LHFPL2: variants seen among roughly 807,000 people sequenced by gnomAD.
LHFPL2 encodes LHFPL tetraspan subfamily member 2.
Under a neutral mutation model 17.5 loss-of-function variants are expected in LHFPL2, and 7 were observed. The ratio of observed to expected loss-of-function variants is 0.40; its 90% confidence interval spans 0.23 to 0.75. The LOEUF (loss-of-function observed/expected upper bound fraction) is 0.75, where lower values mean the gene tolerates loss of function less well. LHFPL2 is among the 30% of genes least tolerant of loss of function. LHFPL2 has a pLI of 0.37. For synonymous variants in LHFPL2, 134 were observed against 116.2 expected, an observed-to-expected ratio of 1.15 and a Z score of -0.99; for missense variants, 241 against 294.8, an observed-to-expected ratio of 0.82 and a Z score of 1.34.
intron 3 of LHFPL2, among the ~76,000 whole-genome samples, chr5:78,544,289 T>C (rs149663255): frequency 6.6e-6 from 1 of 152,328 alleles, no homozygotes; most frequent in East Asian, 1.9e-4. Flanking sequence ...TGCACAGGCA[T>C]CTGGCACACA....
At chr5:78,535,645 G>C (rs754098918) in intron 3 of LHFPL2, among the ~76,000 whole-genome samples, 1 of 152,178 alleles carries the variant, frequency 6.6e-6, no homozygotes, top group Non-Finnish European at 1.5e-5. Flanking sequence ...CAATGCTGAT[G>C]CTGCAGTAGG....
At chr5:78,612,946 TC>T (rs1744467715) in intron 2 of LHFPL2, among the ~76,000 whole-genome samples, 2 of 152,148 alleles carry the variant, frequency 1.3e-5, no homozygotes, top group Non-Finnish European at 1.5e-5. Flanking sequence ...CAGCCTCACC[TC>T]CCCACCCAGC....
chr5:78,509,667 A>G lies in LHFPL2; in HGVS notation c.430+117T>C, dbSNP rs1176841807. 3 of 1,035,950 alleles carry G rather than the reference A, an allele frequency of 2.9e-6. 1 individual carries two copies. Among genetic ancestry groups the G allele is most frequent in the South Asian group, 3.1e-5 (2 of 65,518 alleles). The allele number at this position is 1,035,950 out of a possible 1,614,324, so 64.2% of individuals were successfully genotyped here. ...CGGAAGGGGCAAAGGAAACCTGAAT[A>G]GACAGAAAGTGGTCTTCTCCAAAAC... On this transcript the variant is annotated intron_variant, in intron 4 of 4. Coordinates refer to ENST00000380345, the MANE Select transcript of LHFPL2 (RefSeq NM_005779.3).
chr5:78,647,151 C>G (rs913902756), intron 1 of LHFPL2, among the ~76,000 whole-genome samples: 3 of 152,158 alleles, frequency 2.0e-5, no homozygotes, highest in African/African-American at 7.2e-5. Context: ...CACAGTATGA[C>G]AGCAAAAAGA....
At position 78,562,244 on chromosome 5, in the gene LHFPL2, A is replaced by C. The variant is rs190975016; in HGVS notation, c.-186+2569T>G. On this transcript the variant is annotated intron_variant, in intron 3 of 4. Coordinates refer to ENST00000380345, the MANE Select transcript of LHFPL2 (RefSeq NM_005779.3). The stretch of plus-strand genomic sequence containing the variant: ...GTAGAGATGAGAATTCCACATGGTA[A>C]TGAAAAGTGCCCTAGGTCACAGAGC... Among the ~76,000 whole-genome samples the C allele has an allele frequency of 2.4e-3, 360 of 152,316 alleles. 1 individual carries two copies. The highest frequency in any genetic ancestry group is 8.4e-3 in the African/African-American group (349 of 41,578).
In LHFPL2 at chr5:78,489,129, A is replaced by T. The variant is rs1367843302; in HGVS notation, c.455T>A (p.Ile152Lys). 1 of 1,614,098 alleles carries T rather than the reference A, an allele frequency of 6.2e-7. No homozygotes were observed. The highest frequency in any genetic ancestry group is 8.5e-7 in the Non-Finnish European group (1 of 1,180,040). Residue 152 changes from isoleucine (I) to lysine (K), a missense_variant, in exon 5 of 5, where the codon ATA becomes AAA. Coordinates refer to ENST00000380345, the MANE Select transcript of LHFPL2 (RefSeq NM_005779.3). ...GCAACCCCAGCCAGCAGGGTAGAGT[A>T]TCAAACCGAGGATAAGGAATAGACC... ...IAGLFLILGL[I>K]LYPAGWGCQK...
intron 4 of LHFPL2, among the ~76,000 whole-genome samples, chr5:78,489,508 A>G (rs1285761317): frequency 1.3e-5 from 2 of 152,136 alleles, no homozygotes; most frequent in African/African-American, 2.4e-5. Flanking sequence ...GGCTCAAGCT[A>G]TCCTCCTGTC....
intron 3 of LHFPL2, 111 bp downstream of exon 3, chr5:78,564,702 A>G (rs565623525): frequency 1.7e-4 from 26 of 152,346 alleles, no homozygotes; most frequent in African/African-American, 6.3e-4. Flanking sequence ...TGCTGACCAC[A>G]CAGGGTTCAA....
chr5:78,560,930 TATTA>T (rs1385919071), intron 3 of LHFPL2, among the ~76,000 whole-genome samples: 5 of 152,344 alleles, frequency 3.3e-5, no homozygotes, highest in East Asian at 1.9e-4. Context: ...AAGCCATGTG[TATTA>T]ATTAAAATTT....
chr5:78,556,447 G>C (rs955228450), intron 3 of LHFPL2, among the ~76,000 whole-genome samples: 2 of 152,128 alleles, frequency 1.3e-5, no homozygotes, highest in African/African-American at 4.8e-5. Flanking sequence ...TCACAAACTA[G>C]CAAAGACTTA....
intron 1 of LHFPL2, among the ~76,000 whole-genome samples, chr5:78,634,056 A>G (rs1027189765): frequency 6.6e-6 from 1 of 152,326 alleles, no homozygotes; most frequent in Non-Finnish European, 1.5e-5. Context: ...AGCCCAGTTT[A>G]TCTGCCTCTT....
At chr5:78,550,663 C>T (rs561999678) in intron 3 of LHFPL2, among the ~76,000 whole-genome samples, 3 of 152,122 alleles carry the variant, frequency 2.0e-5, no homozygotes, top group Non-Finnish European at 2.9e-5. Flanking sequence ...CTCCGCCTCC[C>T]GGGTTCAAGA....
chr5:78,526,424 C>T (rs1484759438), intron 3 of LHFPL2, among the ~76,000 whole-genome samples: 1 of 152,186 alleles, frequency 6.6e-6, no homozygotes, highest in East Asian at 1.9e-4. Flanking sequence ...CTCAGAAATA[C>T]AACCAAGTCT....
chr5:78,552,095 T>C (rs759558460), intron 3 of LHFPL2, among the ~76,000 whole-genome samples: 4 of 152,138 alleles, frequency 2.6e-5, no homozygotes, highest in Admixed American at 6.6e-5. Context: ...TAAATTTGTA[T>C]GCCTTTCCTC....
chr5:78,569,131 G>A (rs968422135), intron 2 of LHFPL2, among the ~76,000 whole-genome samples: 6 of 152,114 alleles, frequency 3.9e-5, no homozygotes, highest in African/African-American at 1.4e-4. Context: ...AAGAACAGGG[G>A]CAAGGATGGG....
intron 2 of LHFPL2, among the ~76,000 whole-genome samples, chr5:78,623,336 G>A (rs1744924984): frequency 6.6e-6 from 1 of 152,150 alleles, no homozygotes; most frequent in African/African-American, 2.4e-5. Flanking sequence ...ATAGCAAGTT[G>A]AAACCCCATT....
At chr5:78,508,368 C>A (rs1754999192) in intron 4 of LHFPL2, among the ~76,000 whole-genome samples, 1 of 152,134 alleles carries the variant, frequency 6.6e-6, no homozygotes, top group Non-Finnish European at 1.5e-5. Flanking sequence ...GATGAGGGAC[C>A]TGAGACTTGT....
intron 2 of LHFPL2, among the ~76,000 whole-genome samples, chr5:78,603,954 T>C (rs947864605): frequency 5.3e-5 from 8 of 152,044 alleles, no homozygotes; most frequent in African/African-American, 1.4e-4. Flanking sequence ...GGCAGAAGGA[T>C]TGCTTGAAGC....
chr5:78,631,657 C>A (rs574686868), intron 2 of LHFPL2, among the ~76,000 whole-genome samples: 2 of 152,194 alleles, frequency 1.3e-5, no homozygotes, highest in Non-Finnish European at 2.9e-5. Context: ...AATTTGGGGC[C>A]AGGTGTGGTG....
Sources: gnomAD v4.1 joint callset for allele counts (sites outside exome capture counted in the v4.1 genomes callset) on GRCh38, gnomAD v4.1.1 for gene constraint, MANE v1.5 for transcripts, NCBI Gene and HGNC (gene_info 2026-07-23, HGNC 2026-07-21) for gene names.